TNS3: variants seen among roughly 807,000 people sequenced by gnomAD.
The protein encoded by TNS3 is tensin 3, also known as tensin-3.
TNS3 carries 45 observed loss-of-function variants against 140.9 expected under a neutral mutation model. The ratio of observed to expected loss-of-function variants is 0.32; its 90% CI spans 0.25 to 0.41. The LOEUF is 0.41. TNS3 is among the 10% of genes least tolerant of loss of function. The probability of loss-of-function intolerance (pLI) is 1.00; values close to 1 mark genes in which losing one functional copy is unlikely to be tolerated. For synonymous variants in TNS3, 815 were observed against 788.4 expected (o/e 1.03, Z -0.56); for missense variants, 1,716 against 1,906.7 (o/e 0.90, Z 1.86).
At chr7:47,405,429 G>A in intron 13 of TNS3, 2 of 690,090 alleles carry the variant, frequency 2.9e-6, no homozygotes, top group Admixed American at 2.1e-5. Flanking sequence ...CCGCATATTT[G>A]GAGGGTAAAA....
intron 4 of TNS3, among the ~76,000 whole-genome samples, chr7:47,452,159 G>A (rs1796042684): frequency 6.6e-6 from 1 of 152,194 alleles, no homozygotes; most frequent in Non-Finnish European, 1.5e-5. Flanking sequence ...GCCTCTGTGA[G>A]GCCCTGGAAA....
intron 10 of TNS3, among the ~76,000 whole-genome samples, chr7:47,416,159 A>C (rs1403607949): frequency 6.6e-6 from 1 of 152,250 alleles, no homozygotes; most frequent in Non-Finnish European, 1.5e-5. Context: ...CTTTGCAAGA[A>C]AAACCCAAAC....
At chr7:47,463,221 G>A (rs1454311875) in intron 4 of TNS3, among the ~76,000 whole-genome samples, 1 of 152,094 alleles carries the variant, frequency 6.6e-6, no homozygotes, top group Non-Finnish European at 1.5e-5. Context: ...TAGGCAGGTG[G>A]ATCACCTGAG....
At chr7:47,299,818 C>G (rs1786283820) in intron 23 of TNS3, among the ~76,000 whole-genome samples, 2 of 152,230 alleles carry the variant, frequency 1.3e-5, no homozygotes, top group South Asian at 4.1e-4. Flanking sequence ...ACACTGCACA[C>G]AGCAGCTGCG....
At chr7:47,399,314 T>C (rs1793019987) in intron 15 of TNS3, among the ~76,000 whole-genome samples, 1 of 151,686 alleles carries the variant, frequency 6.6e-6, no homozygotes, top group Non-Finnish European at 1.5e-5. Context: ...TTCACGAAAT[T>C]GGAAAAAAAA....
chr7:47,449,094 G>A (rs980597678), intron 4 of TNS3, among the ~76,000 whole-genome samples: 4 of 152,204 alleles, frequency 2.6e-5, no homozygotes, highest in Admixed American at 6.5e-5. Flanking sequence ...GTATGTTGCC[G>A]ATACATCCAG....
intron 4 of TNS3, among the ~76,000 whole-genome samples, chr7:47,473,007 G>A (rs1024782728): frequency 2.0e-5 from 3 of 152,066 alleles, no homozygotes; most frequent in East Asian, 1.9e-4. Flanking sequence ...GACCTCACGC[G>A]CATCCAGCCC....
chr7:47,546,586 A>G (rs540271599), intron 1 of TNS3, among the ~76,000 whole-genome samples: 1 of 152,340 alleles, frequency 6.6e-6, no homozygotes, highest in African/African-American at 2.4e-5. Flanking sequence ...TTTTTTAAAT[A>G]TCACTAAAGT....
chr7:47,382,669 A>C (rs1209462561), intron 16 of TNS3, among the ~76,000 whole-genome samples: 5 of 148,426 alleles, frequency 3.4e-5, no homozygotes, highest in East Asian at 2.0e-4. Flanking sequence ...AGCACCCCCC[A>C]GTCCCCCACC....
chr7:47,556,211 T>C (rs1034661841), intron 1 of TNS3, among the ~76,000 whole-genome samples: 3 of 152,214 alleles, frequency 2.0e-5, no homozygotes, highest in Non-Finnish European at 4.4e-5. Flanking sequence ...TGTTGACAAT[T>C]GAGCAGTAAG....
chr7:47,369,686 A>C, intron 16 of TNS3, 65 bp from the exon 17 acceptor site: 1 of 1,480,270 alleles, frequency 6.8e-7, no homozygotes, highest in Non-Finnish European at 9.0e-7. Flanking sequence ...ACACCCTCTG[A>C]ATGGGCGTGT....
Position 47,425,839 on chromosome 7 carries a change from T to C in TNS3, c.390-1655A>G, listed in dbSNP as rs1047843175. Among the ~76,000 whole-genome samples the C allele has an allele frequency of 4.6e-5, 7 of 152,192 alleles. No homozygotes were observed. The East Asian group carries it at 9.6e-4, about 21-fold the overall frequency. On this transcript the variant is annotated intron_variant, in intron 9 of 30. Coordinates refer to ENST00000311160, the MANE Select transcript of TNS3 (RefSeq NM_022748.12). ...TTCTCTGGTGACTTGAAGTTTCTTT[T>C]TTCTTCTGTTTGCAGTTTGTGATAA...
intron 3 of TNS3, among the ~76,000 whole-genome samples, chr7:47,490,335 A>G (rs1241410271): frequency 1.3e-5 from 2 of 152,264 alleles, no homozygotes. Context: ...AATTCATCAG[A>G]AGAGACTGAT....
At chr7:47,367,847 A>G (rs1248540973) in intron 17 of TNS3, among the ~76,000 whole-genome samples, 6 of 152,248 alleles carry the variant, frequency 3.9e-5, no homozygotes, top group African/African-American at 1.2e-4. Flanking sequence ...ATTTGTAATC[A>G]GAACATTTTA....
In TNS3 at chr7:47,459,311, T is replaced by G. The variant is rs115581735; in HGVS notation, c.-75-17256A>C. Among the ~76,000 whole-genome samples the G allele has an allele frequency of 3.3e-5, 5 of 152,198 alleles. No homozygotes were observed. The East Asian group carries it at 9.6e-4, about 29-fold the overall frequency. On this transcript the variant is annotated intron_variant, in intron 4 of 30. Transcript: ENST00000311160. ...AAGTGCTGTGACTTCCAGGACCACA[T>G]GCATCATCCCAGAGAAGAGGAAACA... is the stretch of plus-strand genomic sequence containing the variant.
At chr7:47,569,519 G>GGGCAACAGAGTGAGA (rs531327127) in intron 1 of TNS3, among the ~76,000 whole-genome samples, 363 of 151,970 alleles carry the variant, frequency 2.4e-3, no homozygotes, top group African/African-American at 8.5e-3. Context: ...ACTCCAGCCT[G>GGGCAACAGAGTGAGA]GGCAACAGAG....
At chr7:47,386,572 A>G (rs1449336381) in intron 16 of TNS3, among the ~76,000 whole-genome samples, 1 of 152,192 alleles carries the variant, frequency 6.6e-6, no homozygotes, top group Non-Finnish European at 1.5e-5. Flanking sequence ...ATGGACCTCC[A>G]TGCCAGGTCT....
At position 47,368,743 on chromosome 7, in the gene TNS3, G is replaced by C; in HGVS notation, c.1903C>G (p.Arg635Gly). The C allele has an allele frequency of 6.3e-7, 1 of 1,581,574 alleles. No individual in the cohort carries two copies. Among genetic ancestry groups the C allele is most frequent in the Non-Finnish European group, 8.6e-7 (1 of 1,163,438 alleles). Residue 635 changes from arginine (R) to glycine (G), a missense_variant, in exon 17 of 31, where the codon CGA (arginine) becomes GGA (glycine). Arg to Gly is a moderately radical substitution (Grantham distance 125, BLOSUM62 -2). Transcript: ENST00000311160. ...AQPRVPLTPT[R>G]GTSSRVAVQR... is the part of the protein sequence containing the mutation. ...ACAGCCACCCTACTGCTGGTCCCTC[G>C]GGTGGGGGTGAGTGGCACTCTGGGC... is the stretch of plus-strand genomic sequence containing the variant.
chr7:47,313,729 A>ACTC (rs1232724124), intron 20 of TNS3, among the ~76,000 whole-genome samples: 1 of 152,116 alleles, frequency 6.6e-6, no homozygotes, highest in Non-Finnish European at 1.5e-5. Flanking sequence ...CCCTCAATGC[A>ACTC]CTCCCATGGC....
Sources: gnomAD v4.1 joint callset for allele counts (sites outside exome capture counted in the v4.1 genomes callset) on GRCh38, gnomAD v4.1.1 for gene constraint, MANE v1.5 for transcripts, NCBI Gene and HGNC (gene_info 2026-07-23, HGNC 2026-07-21) for gene names.